Variants in SRPK2 observed in about 807,000 individuals in gnomAD.
SRPK2 encodes SFRS protein kinase 2.
A neutral mutation model predicts 90.8 loss-of-function variants in SRPK2; 21 were observed. The ratio of observed to expected loss-of-function variants is 0.23; its 90% CI spans 0.16 to 0.33. The LOEUF (loss-of-function observed/expected upper bound fraction) is 0.33, where lower values mean the gene tolerates loss of function less well. SRPK2 is among the 10% of genes least tolerant of loss of function. SRPK2 has a pLI of 1.00. For synonymous variants in SRPK2, 288 were observed against 311.1 expected (o/e 0.93, Z 0.78); for missense variants, 620 against 869.0 (o/e 0.71, Z 3.60).
At chr7:105,369,368 G>A (rs1011567009) in intron 2 of SRPK2, among the ~76,000 whole-genome samples, 5 of 152,018 alleles carry the variant, frequency 3.3e-5, no homozygotes, top group African/African-American at 9.6e-5. Context: ...GGCTGGTATC[G>A]AACTCCTGAC....
intron 3 of SRPK2, among the ~76,000 whole-genome samples, chr7:105,185,372 A>C (rs2299308): frequency 0.31 from 47,308 of 151,832 alleles, 7,688 homozygotes; most frequent in Non-Finnish European, 0.36. Context: ...TAAAAGCCCT[A>C]ATTATCCACA....
chr7:105,135,789 G>A (rs1381395984), intron 11 of SRPK2, among the ~76,000 whole-genome samples: 4 of 146,780 alleles, frequency 2.7e-5, no homozygotes, highest in African/African-American at 7.6e-5. Flanking sequence ...TTTTGAGACA[G>A]AGTCTCACTC....
intron 7 of SRPK2, among the ~76,000 whole-genome samples, chr7:105,149,133 A>T (rs1259806199): frequency 4.6e-5 from 7 of 152,150 alleles, no homozygotes; most frequent in African/African-American, 1.7e-4. Flanking sequence ...AGCCTCTTGC[A>T]GTTGAGATAG....
chr7:105,390,618 T>G (rs1313997965), upstream of SRPK2, among the ~76,000 whole-genome samples: 63 of 148,654 alleles, frequency 4.2e-4, no homozygotes, highest in Non-Finnish European at 7.7e-4. Flanking sequence ...TTTTTTTTTT[T>G]TTTTTTTTTT....
intron 2 of SRPK2, among the ~76,000 whole-genome samples, chr7:105,305,297 G>T (rs952228326): frequency 6.6e-6 from 1 of 151,956 alleles, no homozygotes; most frequent in Non-Finnish European, 1.5e-5. Context: ...AAATTAGCCG[G>T]GTATTTTTAC....
At chr7:105,152,975 AG>A (rs1195650072) in intron 7 of SRPK2, among the ~76,000 whole-genome samples, 3 of 152,214 alleles carry the variant, frequency 2.0e-5, no homozygotes, top group African/African-American at 4.8e-5. Context: ...CGGAGGTTGC[AG>A]TGAGCCGAGA....
intron 2 of SRPK2, among the ~76,000 whole-genome samples, chr7:105,316,191 A>C (rs952159576): frequency 3.3e-5 from 5 of 152,072 alleles, no homozygotes; most frequent in Admixed American, 2.0e-4. Flanking sequence ...TGCCCAGATA[A>C]TTTTTGTATT....
intron 15 of SRPK2, among the ~76,000 whole-genome samples, chr7:105,122,880 GTTTTTT>G (rs3216265): frequency 2.1e-5 from 3 of 145,802 alleles, no homozygotes; most frequent in Non-Finnish European, 4.6e-5. Flanking sequence ...CTAGAGACCA[GTTTTTT>G]TTTTTTAAGT....
Position 105,250,524 on chromosome 7 carries a change from C to T in SRPK2, c.72-46739G>A, listed in dbSNP as rs932900198. 3.2e-4 allele frequency among the ~76,000 whole-genome samples: 49 copies of T among 152,116 alleles called. 1 individual carries two copies. The highest frequency in any genetic ancestry group is 1.1e-3 in the African/African-American group (47 of 41,430). On this transcript the variant is annotated intron_variant, in intron 2 of 15. Coordinates refer to ENST00000393651, the MANE Select transcript of SRPK2 (RefSeq NM_182692.3). ...CACATTTGGAGATATACAGGTTTTC[C>T]CTTACATGCATGCAAAACACTAGGC... is the stretch of plus-strand genomic sequence containing the variant.
At chr7:105,149,783 G>C (rs183243032) in intron 7 of SRPK2, among the ~76,000 whole-genome samples, 2 of 152,154 alleles carry the variant, frequency 1.3e-5, no homozygotes, top group East Asian at 1.9e-4. Context: ...AAGTGAGAGG[G>C]AACAAAGATT....
intron 2 of SRPK2, among the ~76,000 whole-genome samples, chr7:105,227,847 C>G (rs1359623056): frequency 4.6e-5 from 4 of 87,888 alleles, no homozygotes; most frequent in East Asian, 7.0e-4. Flanking sequence ...AACTGATGAA[C>G]AGATAAACCA....
chr7:105,223,117 GAGGAACGGC>G (rs1798305757), intron 2 of SRPK2, among the ~76,000 whole-genome samples: 1 of 152,174 alleles, frequency 6.6e-6, no homozygotes, highest in Admixed American at 6.5e-5. Context: ...GGCCCCAGTC[GAGGAACGGC>G]ATGTTGGGAC....
At chr7:105,347,182 G>A (rs1016028009) in intron 2 of SRPK2, among the ~76,000 whole-genome samples, 3 of 151,040 alleles carry the variant, frequency 2.0e-5, no homozygotes, top group African/African-American at 7.3e-5. Context: ...CCTCTACTCA[G>A]CCTTCTAAGT....
At chr7:105,312,545 G>C (rs1185449855) in intron 2 of SRPK2, among the ~76,000 whole-genome samples, 1 of 151,796 alleles carries the variant, frequency 6.6e-6, no homozygotes, top group Non-Finnish European at 1.5e-5. Flanking sequence ...TTCCAGAATA[G>C]GTAAATTTAA....
At chr7:105,298,361 A>C (rs1563209142) in intron 2 of SRPK2, among the ~76,000 whole-genome samples, 1 of 152,198 alleles carries the variant, frequency 6.6e-6, no homozygotes, top group Admixed American at 6.5e-5. Flanking sequence ...GATGTATCAG[A>C]GTTTGTTTAT....
chr7:105,170,987 GAA>G lies in SRPK2; in HGVS notation c.230-1724_230-1723del, dbSNP rs1255247765. Among the ~76,000 whole-genome samples the G allele has an allele frequency of 1.4e-3, 163 of 119,828 alleles. 11 individuals carry two copies. Among genetic ancestry groups the G allele is most frequent in the African/African-American group, 4.9e-3 (150 of 30,482 alleles). The allele number at this position is 119,828 out of a possible 152,430, so 78.6% of individuals were successfully genotyped here. A position where few individuals can be genotyped will look rare whatever the true frequency, so the allele number is the denominator to read the frequency against. On this transcript the variant is annotated intron_variant, in intron 3 of 15. Transcript: ENST00000393651. ...AGAAAGAGAAAGAAAGAGAAAGAAA[GAA>G]AGAAAGAGAAAGAAAGAAAGAAAGA...
intron 2 of SRPK2, among the ~76,000 whole-genome samples, chr7:105,250,476 T>C (rs1403350311): frequency 6.6e-6 from 1 of 152,064 alleles, no homozygotes; most frequent in African/African-American, 2.4e-5. Context: ...TTTACAGAAG[T>C]ATGTCATCAG....
chr7:105,230,265 C>T (rs1225529291), intron 2 of SRPK2, among the ~76,000 whole-genome samples: 1 of 152,162 alleles, frequency 6.6e-6, no homozygotes, highest in Non-Finnish European at 1.5e-5. Context: ...GAGGCTGGAA[C>T]ATTTCAGGTA....
intron 1 of SRPK2, chr7:105,399,016 A>G (rs1246291828): frequency 6.6e-6 from 1 of 152,256 alleles, no homozygotes; most frequent in Non-Finnish European, 1.5e-5. Flanking sequence ...TGAAACACTT[A>G]TAGAAGTATC....
Sources: gnomAD v4.1 joint callset for allele counts (sites outside exome capture counted in the v4.1 genomes callset) on GRCh38, gnomAD v4.1.1 for gene constraint, MANE v1.5 for transcripts, NCBI Gene and HGNC (gene_info 2026-07-23, HGNC 2026-07-21) for gene names.